GALNT13: variants seen among roughly 807,000 people sequenced by gnomAD.
GALNT13 encodes the protein polypeptide N-acetylgalactosaminyltransferase 13.
GALNT13 carries 28 observed loss-of-function variants against 64.2 expected under a neutral mutation model. The observed-to-expected ratio is 0.44, with a 90% CI of 0.32 to 0.60. The LOEUF (loss-of-function observed/expected upper bound fraction) is 0.60, where lower values mean the gene tolerates loss of function less well. GALNT13 is among the 20% of genes least tolerant of loss of function. GALNT13 has a pLI of 0.05. For missense variants in GALNT13, 577 were observed against 669.8 expected (o/e 0.86, Z 1.53); for synonymous variants, 214 against 224.6 (o/e 0.95, Z 0.42).
At chr2:154,206,793 C>CA (rs1687481099) in intron 4 of GALNT13, among the ~76,000 whole-genome samples, 2 of 144,474 alleles carry the variant, frequency 1.4e-5, no homozygotes, top group African/African-American at 5.2e-5. Flanking sequence ...CAAAAAACAA[C>CA]AACAACAAAA....
chr2:153,813,756 C>G, the GALNT13 span, among the ~76,000 whole-genome samples: 46 of 152,270 alleles, frequency 3.0e-4, no homozygotes, highest in African/African-American at 1.1e-3. Flanking sequence ...TTTCAGAAAT[C>G]TATTGATATA....
chr2:154,108,165 CT>C (rs1469587104), intron 3 of GALNT13, among the ~76,000 whole-genome samples: 3 of 143,138 alleles, frequency 2.1e-5, no homozygotes, highest in Non-Finnish European at 4.6e-5. Flanking sequence ...TTTTTTTTTT[CT>C]TTTTTTGAGG....
At chr2:154,021,140 C>T (rs1697447764) in intron 3 of GALNT13, among the ~76,000 whole-genome samples, 1 of 152,164 alleles carries the variant, frequency 6.6e-6, no homozygotes, top group African/African-American at 2.4e-5. Flanking sequence ...AGCGTGATGC[C>T]TCCAGCTTTG....
chr2:153,587,979 C>T, the GALNT13 span, among the ~76,000 whole-genome samples: 1 of 152,200 alleles, frequency 6.6e-6, no homozygotes, highest in African/African-American at 2.4e-5. Context: ...GGGCTACAGG[C>T]CCCATGCAAG....
the GALNT13 span, among the ~76,000 whole-genome samples, chr2:153,594,265 T>G: frequency 1.3e-5 from 2 of 152,158 alleles, no homozygotes; most frequent in South Asian, 4.1e-4. Flanking sequence ...CTTCTAAAAC[T>G]GTTCTAATAA....
the GALNT13 span, among the ~76,000 whole-genome samples, chr2:153,657,076 C>A: frequency 6.6e-6 from 1 of 152,048 alleles, no homozygotes; most frequent in African/African-American, 2.4e-5. Context: ...TTGGGCATAG[C>A]AGTGAGCATC....
the GALNT13 span, among the ~76,000 whole-genome samples, chr2:153,464,162 A>C: frequency 9.9e-5 from 15 of 151,978 alleles, no homozygotes; most frequent in Non-Finnish European, 2.1e-4. Context: ...GTCAAAATTG[A>C]CTCAGAAACT....
In GALNT13 at chr2:154,353,885, T is replaced by C. The variant is rs565385106; in HGVS notation, c.1157-42106T>C. Among the ~76,000 whole-genome samples the C allele has an allele frequency of 2.6e-5, 4 of 152,326 alleles. No individual in the cohort carries two copies. The East Asian group carries it at 5.8e-4, about 22-fold the overall frequency. ...TGCAGTGAACATGGGAATGAAGATA[T>C]CTTTACAAGGTGGTGATTTCATCTC... On this transcript the variant is annotated intron_variant, in intron 9 of 12. Transcript: ENST00000392825.
chr2:153,780,016 CA>C, the GALNT13 span, among the ~76,000 whole-genome samples: 1 of 151,692 alleles, frequency 6.6e-6, no homozygotes, highest in Non-Finnish European at 1.5e-5. Context: ...CATGATTCAG[CA>C]AGACACCATC....
chr2:154,303,684 G>T (rs1693575100), intron 9 of GALNT13, among the ~76,000 whole-genome samples: 1 of 151,994 alleles, frequency 6.6e-6, no homozygotes, highest in Admixed American at 6.6e-5. Context: ...TAATGAGATT[G>T]TATGGTCAAT....
chr2:153,932,699 C>T (rs1042962906), intron 2 of GALNT13, among the ~76,000 whole-genome samples: 3 of 140,522 alleles, frequency 2.1e-5, no homozygotes, highest in African/African-American at 8.1e-5. Flanking sequence ...GCAATCTTGG[C>T]TCGCTGTAAC....
At chr2:153,834,327 G>A in the GALNT13 span, among the ~76,000 whole-genome samples, 1 of 152,118 alleles carries the variant, frequency 6.6e-6, no homozygotes, top group African/African-American at 2.4e-5. Flanking sequence ...AGATTAAACA[G>A]TAGCTCACTT....
chr2:154,341,176 A>C (rs1042899028), intron 9 of GALNT13, among the ~76,000 whole-genome samples: 20 of 152,084 alleles, frequency 1.3e-4, no homozygotes, highest in Non-Finnish European at 2.1e-4. Flanking sequence ...GCATGTACAA[A>C]GGAAAAAAAT....
intron 9 of GALNT13, among the ~76,000 whole-genome samples, chr2:154,328,697 T>C (rs1017366769): frequency 2.0e-5 from 3 of 152,092 alleles, no homozygotes; most frequent in African/African-American, 4.8e-5. Flanking sequence ...CTGAACATGT[T>C]TGATTTCACA....
chr2:154,059,249 CAG>C (rs985457361), intron 3 of GALNT13, among the ~76,000 whole-genome samples: 2 of 152,086 alleles, frequency 1.3e-5, no homozygotes, highest in African/African-American at 4.8e-5. Context: ...AGAATATAAA[CAG>C]AATATTTTGA....
chr2:153,192,684 A>G, the GALNT13 span, among the ~76,000 whole-genome samples: 1 of 152,034 alleles, frequency 6.6e-6, no homozygotes, highest in Non-Finnish European at 1.5e-5. Context: ...TCCAGTGATG[A>G]GTGCATTTAT....
At chr2:153,822,385 AAT>A in the GALNT13 span, among the ~76,000 whole-genome samples, 1 of 152,178 alleles carries the variant, frequency 6.6e-6, no homozygotes, top group African/African-American at 2.4e-5. Flanking sequence ...AATTCAACAC[AAT>A]AAAGTAGGCT....
the GALNT13 span, chr2:153,478,486 ACGGCTCGCTCCAGCGC>A: frequency 6.2e-7 from 1 of 1,612,748 alleles, no homozygotes. Context: ...GCAGCAGCGC[ACGGCTCGCTCCAGCGC>A]CTCGCTGCTG....
intron 11 of GALNT13, among the ~76,000 whole-genome samples, chr2:154,410,615 C>T (rs866501976): frequency 2.4e-4 from 36 of 151,832 alleles, no homozygotes; most frequent in African/African-American, 8.2e-4. Context: ...ACTTGGACAT[C>T]CCTAGTACAA....
Sources: allele counts gnomAD v4.1 joint callset (sites outside exome capture counted in the v4.1 genomes callset), GRCh38; gene constraint gnomAD v4.1.1; transcripts MANE v1.5; gene names NCBI Gene and HGNC (gene_info 2026-07-23, HGNC 2026-07-21).